Variants in CCDC141 observed in about 807,000 individuals in gnomAD.
CCDC141 encodes coiled-coil domain-containing protein 141.
A neutral mutation model predicts 181.0 loss-of-function variants in CCDC141; 168 were observed. The ratio of observed to expected loss-of-function variants is 0.93; its 90% confidence interval spans 0.82 to 1.05. The LOEUF is 1.05. CCDC141 is among the 50% of genes least tolerant of loss of function. The probability of loss-of-function intolerance (pLI) is 0.00; values close to 1 mark genes in which losing one functional copy is unlikely to be tolerated. For synonymous variants in CCDC141, 666 were observed against 642.3 expected (o/e 1.04, Z -0.56); for missense variants, 1,902 against 1,788.5 (o/e 1.06, Z -1.14).
Position 178,872,392 on chromosome 2 carries a change from G to A in CCDC141, c.1900-80C>T, listed in dbSNP as rs1040931707. 10 of 1,293,634 alleles carry A rather than the reference G, an allele frequency of 7.7e-6. No homozygotes were observed. In the African/African-American group the frequency reaches 9.0e-5, roughly 12 times the overall value. 80.1% of individuals were successfully genotyped at this position (1,293,634 alleles called of 1,614,324 possible). On this transcript the variant is annotated intron_variant, in intron 12 of 23. Coordinates refer to ENST00000443758, the MANE Select transcript of CCDC141 (RefSeq NM_173648.4). ...TTGTTGTATATAACTATTTTACGAG[G>A]CAAATTCTTTATCACAACCAAAGCC...
At chr2:178,877,694 A>C in intron 12 of CCDC141, 1 of 489,900 alleles carries the variant, frequency 2.0e-6, no homozygotes, top group Non-Finnish European at 3.5e-6. Context: ...ACTTCTGAGG[A>C]CTCTATTTAA....
intron 5 of CCDC141, among the ~76,000 whole-genome samples, chr2:178,959,223 C>T (rs952244288): frequency 1.3e-5 from 2 of 151,596 alleles, no homozygotes; most frequent in African/African-American, 2.4e-5. Flanking sequence ...AGCACACCAA[C>T]ATGGCACATG....
chr2:178,928,547 G>T (rs545630902), intron 6 of CCDC141, among the ~76,000 whole-genome samples: 14 of 151,658 alleles, frequency 9.2e-5, no homozygotes, highest in African/African-American at 3.4e-4. Flanking sequence ...TTTAAGGGCT[G>T]ACAAATGCCA....
At chr2:178,952,896 C>T (rs995252307) in intron 5 of CCDC141, among the ~76,000 whole-genome samples, 2 of 152,124 alleles carry the variant, frequency 1.3e-5, no homozygotes, top group African/African-American at 4.8e-5. Context: ...TTTTTTGAGG[C>T]AGCAGCTCAC....
chr2:179,018,807 T>C (rs2042617724), intron 2 of CCDC141, among the ~76,000 whole-genome samples: 1 of 152,176 alleles, frequency 6.6e-6, no homozygotes, highest in African/African-American at 2.4e-5. Context: ...ATTTTTGTAC[T>C]TATTGGACAG....
At chr2:178,902,365 T>G (rs541866048) in intron 8 of CCDC141, among the ~76,000 whole-genome samples, 5 of 152,008 alleles carry the variant, frequency 3.3e-5, no homozygotes, top group African/African-American at 9.7e-5. Flanking sequence ...ATACTACAAG[T>G]CTACAGTAAC....
intron 17 of CCDC141, among the ~76,000 whole-genome samples, chr2:178,865,166 C>T (rs1280506724): frequency 6.6e-6 from 1 of 152,184 alleles, no homozygotes; most frequent in Admixed American, 6.6e-5. Context: ...TAGAAGATCA[C>T]TTTGATCTGT....
chr2:178,865,037 C>G (rs1685783436), intron 17 of CCDC141, among the ~76,000 whole-genome samples: 1 of 152,138 alleles, frequency 6.6e-6, no homozygotes, highest in Non-Finnish European at 1.5e-5. Context: ...GTAAGCCTTT[C>G]AATGGAAAGC....
At chr2:178,990,266 A>T (rs1691986263) in intron 2 of CCDC141, among the ~76,000 whole-genome samples, 1 of 149,170 alleles carries the variant, frequency 6.7e-6, no homozygotes, top group African/African-American at 2.4e-5. Flanking sequence ...AAAAAAAAAA[A>T]CATGTTGGCA....
At chr2:179,035,235 T>G (rs2043111948) in intron 2 of CCDC141, among the ~76,000 whole-genome samples, 1 of 152,162 alleles carries the variant, frequency 6.6e-6, no homozygotes, top group Non-Finnish European at 1.5e-5. Flanking sequence ...AGAAAACCTC[T>G]CATAAATTCA....
rs191302294 is a variant in CCDC141 at position 178,913,326 on chromosome 2, T to C, written c.1092+5387A>G. ...ATATTTTCCTTGATATCTAATAACATTTAGCCTATTACTTGAATTCATTTA... is the reference window on the plus strand; with the variant it reads ...ATATTTTCCTTGATATCTAATAACACTTAGCCTATTACTTGAATTCATTTA... On this transcript the variant is annotated intron_variant, in intron 7 of 23. Transcript: ENST00000443758. Among the ~76,000 whole-genome samples the C allele has an allele frequency of 4.0e-3, 603 of 152,312 alleles. 1 individual carries two copies. The highest frequency in any genetic ancestry group is 5.1e-3 in the Non-Finnish European group (346 of 68,016).
intron 6 of CCDC141, among the ~76,000 whole-genome samples, chr2:178,941,958 C>CAAAAAAA (rs66903231): frequency 1.7e-4 from 12 of 71,486 alleles, no homozygotes; most frequent in African/African-American, 6.3e-4. Flanking sequence ...GATCCCATCT[C>CAAAAAAA]AAAAAAAAAA....
At chr2:178,838,902 C>T (rs1330880636) in intron 22 of CCDC141, among the ~76,000 whole-genome samples, 1 of 152,172 alleles carries the variant, frequency 6.6e-6, no homozygotes, top group Non-Finnish European at 1.5e-5. Context: ...CTCAAAAGAA[C>T]ATTGAAGCTG....
chr2:179,049,901 G>T lies in CCDC141; in HGVS notation c.41C>A (p.Thr14Lys), dbSNP rs763465534. 1.3e-6 allele frequency: 2 copies of T among 1,550,620 alleles called. No homozygotes were observed. The highest frequency in any genetic ancestry group is 2.4e-5 in the South Asian group (2 of 84,064). ...CTGCACAGCAACTGAACTGACTGTC[G>T]TCGTAGAAAGCGCAACACTAGGACT... ...QGSPSVALST[T>K]TVSSVAVQAG... Residue 14 changes from threonine (T) to lysine (K), a missense_variant, in exon 1 of 24, where the codon ACG (threonine) becomes AAG (lysine). By Grantham distance (78) the Thr-to-Lys change is moderately conservative. Transcript: ENST00000443758.
chr2:179,027,646 C>CAAAAAA lies in CCDC141; in HGVS notation c.225+19632_225+19637dup, dbSNP rs71023466. On this transcript the variant is annotated intron_variant, in intron 2 of 23. Transcript: ENST00000443758. ...GGCAACAGAGTGAGACTCTTACTCTCAAAAAAAAAAAAAAAAAAAAAAAAA... is the reference window on the plus strand; with the variant it reads ...GGCAACAGAGTGAGACTCTTACTCTCAAAAAAAAAAAAAAAAAAAAAAAAAAAAAAA... 8.3e-4 allele frequency among the ~76,000 whole-genome samples: 44 copies of CAAAAAA among 53,272 alleles called. 2 individuals are homozygous for CAAAAAA. Among genetic ancestry groups the CAAAAAA allele is most frequent in the African/African-American group, 2.8e-3 (40 of 14,460 alleles). The allele number at this position is 53,272 out of a possible 152,430, so 34.9% of individuals were successfully genotyped here.
chr2:178,916,950 T>C (rs577629650), intron 7 of CCDC141, among the ~76,000 whole-genome samples: 10 of 150,886 alleles, frequency 6.6e-5, no homozygotes, highest in African/African-American at 2.2e-4. Context: ...TTTTTTTTTT[T>C]AAAAAAAAGG....
chr2:178,892,137 G>C (rs927942974), intron 8 of CCDC141, among the ~76,000 whole-genome samples: 1 of 152,114 alleles, frequency 6.6e-6, no homozygotes, highest in Non-Finnish European at 1.5e-5. Flanking sequence ...GAAGTTTTAG[G>C]CTATCCAAAG....
chr2:179,000,879 T>C (rs1289292263), intron 2 of CCDC141, among the ~76,000 whole-genome samples: 1 of 152,222 alleles, frequency 6.6e-6, no homozygotes, highest in Non-Finnish European at 1.5e-5. Context: ...AATATCATAA[T>C]AGATTAAAAT....
intron 8 of CCDC141, among the ~76,000 whole-genome samples, chr2:178,895,262 A>G (rs143206781): frequency 1.4e-3 from 209 of 152,300 alleles, no homozygotes; most frequent in African/African-American, 4.7e-3. Flanking sequence ...TGTGATGAGC[A>G]TCTTATTCAT....
Sources: allele counts gnomAD v4.1 joint callset (sites outside exome capture counted in the v4.1 genomes callset), GRCh38; gene constraint gnomAD v4.1.1; transcripts MANE v1.5; gene names NCBI Gene and HGNC (gene_info 2026-07-23, HGNC 2026-07-21).